The following GSTK1 variants were observed in gnomAD, a reference collection of about 807,000 sequenced individuals.
The protein encoded by GSTK1 is glutathione S-transferase kappa 1.
A neutral mutation model predicts 30.9 loss-of-function variants in GSTK1; 25 were observed. The observed-to-expected ratio is 0.81, with a 90% confidence interval of 0.59 to 1.13. The LOEUF (loss-of-function observed/expected upper bound fraction) is 1.13. Ranked by LOEUF, GSTK1 falls within the 50% of genes most tolerant of loss-of-function variation. The pLI is 0.00. For missense variants in GSTK1, 292 were observed against 292.4 expected (o/e 1.00, Z 0.01); for synonymous variants, 108 against 112.5 (o/e 0.96, Z 0.25).
At chr7:143,264,508 G>T (rs540832297) in intron 2 of GSTK1, 40 bp from the exon 3 acceptor site, 1 of 1,612,380 alleles carries the variant, frequency 6.2e-7, no homozygotes, top group East Asian at 2.2e-5. Flanking sequence ...GGGACCCTTA[G>T]GTCTTTTCTC....
Position 143,268,839 on chromosome 7 carries a change from A to G in GSTK1, c.*2A>G. 2 of 1,613,748 alleles carry G rather than the reference A, an allele frequency of 1.2e-6. No individual in the cohort carries two copies. The highest frequency in any genetic ancestry group is 1.7e-6 in the Non-Finnish European group (2 of 1,179,730). ...CCAGCCGTGAATGCCAGACTTTAAGATTGCCCGGAGGAAGCAAACTCTTCG... is the reference window on the plus strand; with the variant it reads ...CCAGCCGTGAATGCCAGACTTTAAGGTTGCCCGGAGGAAGCAAACTCTTCG... On this transcript the variant is annotated 3_prime_UTR_variant, in exon 8 of 8. Transcript: ENST00000358406. This position sits in a 1 kb window ranked among gnomAD's most constrained non-coding sequence, Gnocchi z 4.1.
At position 143,266,653 on chromosome 7, in the gene GSTK1, C is replaced by CTT. The variant is rs35527374; in HGVS notation, c.421-939_421-938dup. Among the ~76,000 whole-genome samples the CTT allele has an allele frequency of 8.9e-3, 563 of 63,334 alleles. 28 individuals carry two copies. Among genetic ancestry groups the CTT allele is most frequent in the Non-Finnish European group, 0.011 (381 of 34,322 alleles). The allele number at this position is 63,334 out of a possible 152,430, so 41.5% of individuals were successfully genotyped here. On this transcript the variant is annotated intron_variant, in intron 5 of 7. Transcript: ENST00000358406. The stretch of plus-strand genomic sequence containing the variant: ...TTCTTGTTCTTTTTTTTCTTTCTTT[C>CTT]TTTTTTTTTTTTTTTTTTTTTTTTT...
intron 5 of GSTK1, among the ~76,000 whole-genome samples, chr7:143,266,653 C>CTTTTTTT (rs35527374): frequency 3.6e-4 from 23 of 63,324 alleles, no homozygotes; most frequent in African/African-American, 6.6e-4. Flanking sequence ...TTCTTTCTTT[C>CTTTTTTT]TTTTTTTTTT....
At position 143,264,614 on chromosome 7, in the gene GSTK1, G is replaced by C; in HGVS notation, c.221G>C (p.Arg74Thr). ...ATGGCAAATGACTTAAAGCTCCTGAGACACCATCTCCAGATTCCCATCCAC... is the reference window on the plus strand; with the variant it reads ...ATGGCAAATGACTTAAAGCTCCTGACACACCATCTCCAGATTCCCATCCAC... ...LYMANDLKLLRHHLQIPIHFP... is the reference protein window; with the variant it reads ...LYMANDLKLLTHHLQIPIHFP... Residue 74 changes from arginine to threonine, a missense_variant, in exon 3 of 8, where the codon AGA becomes ACA. Transcript: ENST00000358406. 4 of 1,614,096 alleles carry C rather than the reference G, an allele frequency of 2.5e-6. No homozygotes were observed. The highest frequency in any genetic ancestry group is 3.4e-6 in the Non-Finnish European group (4 of 1,179,968).
chr7:143,267,988 CT>C, intron 6 of GSTK1, 102 bp from the exon 7 acceptor site: 1 of 895,984 alleles, frequency 1.1e-6, no homozygotes. Flanking sequence ...TCTTAGACCT[CT>C]TTGCTTCTGT....
At chr7:143,264,019 C>G in intron 1 of GSTK1, 67 bp from the exon 2 acceptor site, 1 of 1,443,250 alleles carries the variant, frequency 6.9e-7, no homozygotes, top group Non-Finnish European at 9.8e-7. Flanking sequence ...GCCTCCCTTC[C>G]CTTTCCCTCG....
chr7:143,263,732 G>A, intron 1 of GSTK1, 147 bp downstream of exon 1: 1 of 699,474 alleles, frequency 1.4e-6, no homozygotes, highest in Middle Eastern at 3.8e-4. Context: ...GGGGCTGAAG[G>A]TCACTTTGTG....
intron 1 of GSTK1, chr7:143,263,858 C>A: frequency 1.7e-6 from 1 of 601,848 alleles, no homozygotes. Flanking sequence ...ATGCAGAACA[C>A]GGCCACCTCT....
chr7:143,263,992 C>T (rs1800794137), intron 1 of GSTK1, 94 bp from the exon 2 acceptor site: 3 of 1,070,700 alleles, frequency 2.8e-6, no homozygotes, highest in African/African-American at 3.1e-5. Flanking sequence ...CCGCATAACC[C>T]CTGCTCTGCA....
At position 143,264,142 on chromosome 7, in the gene GSTK1, C is replaced by T. The variant is rs1050556677; in HGVS notation, c.129C>T (p.Leu43=). Residue 43 remains leucine (L), a synonymous_variant, in exon 2 of 8, where the codon CTC becomes CTT. Transcript: ENST00000358406. ...TCAACCTGCAGTTGCGGCCCAGCCT[C>T]ATAACAGGGATCATGAAAGACAGTG... ...WNINLQLRPS[L]ITGIMKDSGN... The T allele has an allele frequency of 2.5e-6, 4 of 1,613,932 alleles. No individual in the cohort carries two copies. The highest frequency in any genetic ancestry group is 1.1e-5 in the South Asian group (1 of 91,076).
chr7:143,267,843 T>C (rs1563049188), intron 6 of GSTK1, 110 bp downstream of exon 6: 1 of 794,358 alleles, frequency 1.3e-6, no homozygotes. Context: ...TTCCAAGTGT[T>C]CTCCTCAGTG....
intron 5 of GSTK1, among the ~76,000 whole-genome samples, chr7:143,266,653 C>CTTTTTTTTTTTTTTTTTTTTTT (rs35527374): frequency 1.7e-4 from 11 of 63,336 alleles, no homozygotes; most frequent in Non-Finnish European, 2.3e-4. Flanking sequence ...TTCTTTCTTT[C>CTTTTTTTTTTTTTTTTTTTTTT]TTTTTTTTTT....
chr7:143,265,891 A>G (rs1344495923), intron 5 of GSTK1, among the ~76,000 whole-genome samples: 1 of 152,178 alleles, frequency 6.6e-6, no homozygotes, highest in African/African-American at 2.4e-5. Flanking sequence ...AATTTAATAT[A>G]TAAAGTGGCA....
Position 143,268,672 on chromosome 7 carries a change from A to G in GSTK1, c.632-116A>G. The G allele has an allele frequency of 1.2e-6, 1 of 868,630 alleles. No individual in the cohort carries two copies. Among genetic ancestry groups the G allele is most frequent in the Non-Finnish European group, 1.9e-6 (1 of 522,648 alleles). The allele number at this position is 868,630 out of a possible 1,614,324, so 53.8% of individuals were successfully genotyped here. On this transcript the variant is annotated intron_variant, in intron 7 of 7. Coordinates refer to ENST00000358406, the MANE Select transcript of GSTK1 (RefSeq NM_015917.3). This position sits in a 1 kb window ranked among gnomAD's most constrained non-coding sequence, Gnocchi z 4.1. ...CCCATAAAAGAAAAGGAAGCCTTCTATACCTTGAAGCCAAGCAAAAGTCTT... is the reference window on the plus strand; with the variant it reads ...CCCATAAAAGAAAAGGAAGCCTTCTGTACCTTGAAGCCAAGCAAAAGTCTT...
chr7:143,264,719 CAGA>C, intron 3 of GSTK1, 43 bp downstream of exon 3: 2 of 1,610,990 alleles, frequency 1.2e-6, no homozygotes, highest in South Asian at 2.2e-5. Context: ...GTGAAAAACA[CAGA>C]AGTCGGAGAT....
chr7:143,265,500 G>A (rs1459540575), intron 5 of GSTK1, among the ~76,000 whole-genome samples: 1 of 152,168 alleles, frequency 6.6e-6, no homozygotes, highest in Non-Finnish European at 1.5e-5. Flanking sequence ...GTTGAAAGGG[G>A]AAGTGCAAAA....
rs1036611349 is a variant in GSTK1 at position 143,264,074 on chromosome 7, C to T, written c.73-12C>T. The T allele has an allele frequency of 1.2e-6, 2 of 1,613,426 alleles. No individual in the cohort carries two copies. The highest frequency in any genetic ancestry group is 1.7e-6 in the Non-Finnish European group (2 of 1,179,486). On this transcript the variant is annotated splice_polypyrimidine_tract_variant and intron_variant, in intron 1 of 7. Transcript: ENST00000358406. ...TTGCACACTGGCAATCGTTCTTGAC[C>T]TCTGCCCGCAGATCCTGTGCCGGTA...
intron 1 of GSTK1, 34 bp downstream of exon 1, chr7:143,263,619 G>A (rs781262504): frequency 6.3e-7 from 1 of 1,579,600 alleles, no homozygotes; most frequent in Admixed American, 1.7e-5. Flanking sequence ...GGCAGTGTCT[G>A]GGGAGTGAGG....
chr7:143,268,948 T>C lies in GSTK1; in HGVS notation c.*111T>C. ...GGATTTCTCTATCTGATAGAGGTATTTTCTGTGGCCCTGGGAGCTGTCTGT... is the reference window on the plus strand; with the variant it reads ...GGATTTCTCTATCTGATAGAGGTATCTTCTGTGGCCCTGGGAGCTGTCTGT... On this transcript the variant is annotated 3_prime_UTR_variant, in exon 8 of 8. Coordinates refer to ENST00000358406, the MANE Select transcript of GSTK1 (RefSeq NM_015917.3). The surrounding 1 kb of genome is among the most constrained non-coding windows in gnomAD (Gnocchi z 4.1). The C allele has an allele frequency of 1.1e-6, 1 of 918,762 alleles. No homozygotes were observed. Among genetic ancestry groups the C allele is most frequent in the East Asian group, 2.5e-5 (1 of 39,390 alleles). The allele number at this position is 918,762 out of a possible 1,614,324, so 56.9% of individuals were successfully genotyped here.
Sources: allele counts gnomAD v4.1 joint callset (sites outside exome capture counted in the v4.1 genomes callset), GRCh38; gene constraint gnomAD v4.1.1; non-coding constraint Gnocchi (gnomAD v3.1); transcripts MANE v1.5; gene names NCBI Gene and HGNC (gene_info 2026-07-23, HGNC 2026-07-21).